The following GRIA4 variants were observed in gnomAD, a reference collection of about 807,000 sequenced individuals.
The protein encoded by GRIA4 is glutamate receptor 4.
A neutral mutation model predicts 104.0 loss-of-function variants in GRIA4; 34 were observed. The ratio of observed to expected loss-of-function variants is 0.33; its 90% CI spans 0.25 to 0.44. The LOEUF (loss-of-function observed/expected upper bound fraction) is 0.44. Ranked by LOEUF, GRIA4 falls within the 20% of genes least tolerant of loss-of-function variation. GRIA4 has a pLI of 1.00. For synonymous variants in GRIA4, 386 were observed against 381.9 expected (o/e 1.01, Z -0.13); for missense variants, 750 against 1,096.5 (o/e 0.68, Z 4.46).
At chr11:105,913,541 C>T (rs1004307735) in intron 10 of GRIA4, 3 of 820,350 alleles carry the variant, frequency 3.7e-6, no homozygotes, top group Non-Finnish European at 4.4e-6. Context: ...TAAAAGTAAT[C>T]ATTTCTGCAA....
At chr11:105,642,186 A>G (rs141174056) in intron 3 of GRIA4, among the ~76,000 whole-genome samples, 2 of 152,140 alleles carry the variant, frequency 1.3e-5, no homozygotes, top group Admixed American at 1.3e-4. Context: ...TGTAACTTCA[A>G]TGCAGAAGCT....
In GRIA4 at chr11:105,903,887, T is replaced by C. The variant is rs1005013166; in HGVS notation, c.959T>C (p.Ile320Thr). 5.6e-6 allele frequency: 9 copies of C among 1,612,582 alleles called. No individual in the cohort carries two copies. The highest frequency in any genetic ancestry group is 5.0e-5 in the Admixed American group (3 of 59,996). Residue 320 changes from isoleucine to threonine, a missense_variant, in exon 8 of 17, where the codon ATT becomes ACT. By Grantham distance (89) the Ile-to-Thr change is moderately conservative. Transcript: ENST00000282499. Reference sequence around the variant, plus strand: ...TTCCGAAGTCTTAGGAGGCAGAAAATTGATATCTCAAGGAGAGGAAATGCT... The same window carrying C: ...TTCCGAAGTCTTAGGAGGCAGAAAACTGATATCTCAAGGAGAGGAAATGCT... ...ETFRSLRRQK[I>T]DISRRGNAGD...
intron 14 of GRIA4, among the ~76,000 whole-genome samples, chr11:105,936,397 T>C (rs1948036388): frequency 6.6e-6 from 1 of 152,198 alleles, no homozygotes; most frequent in African/African-American, 2.4e-5. Context: ...TCCAAAACAA[T>C]CTATCTTTTT....
chr11:105,789,123 C>T (rs1197117517), intron 4 of GRIA4, among the ~76,000 whole-genome samples: 1 of 151,940 alleles, frequency 6.6e-6, no homozygotes, highest in Non-Finnish European at 1.5e-5. Flanking sequence ...AAAAAGCATG[C>T]TTTTTTGGAA....
chr11:105,882,759 C>G (rs1339961438), intron 5 of GRIA4, among the ~76,000 whole-genome samples: 2 of 152,072 alleles, frequency 1.3e-5, no homozygotes, highest in East Asian at 3.9e-4. Context: ...CTTTATAATC[C>G]TTAAATCTCT....
Position 105,705,029 on chromosome 11 carries a change from A to G in GRIA4, c.248-47952A>G, listed in dbSNP as rs118152558. Among the ~76,000 whole-genome samples the G allele has an allele frequency of 4.9e-3, 739 of 152,278 alleles. 9 individuals carry two copies. In the East Asian group the frequency reaches 0.049, roughly 10 times the overall value. ...TAAAAGTGCACTTCAAAGTTTCTAT[A>G]ATTAAAATAATGTGGTAACGGCACA... On this transcript the variant is annotated intron_variant, in intron 3 of 16. Transcript: ENST00000282499.
intron 4 of GRIA4, among the ~76,000 whole-genome samples, chr11:105,843,744 ATG>A (rs1401743616): frequency 6.6e-6 from 1 of 152,190 alleles, no homozygotes; most frequent in Non-Finnish European, 1.5e-5. Flanking sequence ...GGACGATCGT[ATG>A]TGACTCCTCA....
At chr11:105,929,941 G>T (rs1947825659) in intron 13 of GRIA4, among the ~76,000 whole-genome samples, 1 of 152,078 alleles carries the variant, frequency 6.6e-6, no homozygotes, top group Admixed American at 6.6e-5. Context: ...CAATAAAGAT[G>T]AAATAAATCG....
chr11:105,721,265 A>C (rs1372297535), intron 3 of GRIA4, among the ~76,000 whole-genome samples: 9 of 152,122 alleles, frequency 5.9e-5, no homozygotes, highest in Non-Finnish European at 1.0e-4. Context: ...ATAATATTTC[A>C]GTTTTTCTGT....
At chr11:105,616,407 T>C (rs1482228169) in intron 3 of GRIA4, among the ~76,000 whole-genome samples, 1 of 151,734 alleles carries the variant, frequency 6.6e-6, no homozygotes, top group Non-Finnish European at 1.5e-5. Flanking sequence ...TACAAAGTAC[T>C]TGTAAAAGTA....
At chr11:105,754,509 T>C (rs987725567) in intron 4 of GRIA4, among the ~76,000 whole-genome samples, 1 of 152,164 alleles carries the variant, frequency 6.6e-6, no homozygotes, top group Non-Finnish European at 1.5e-5. Flanking sequence ...TTACCAGTTT[T>C]GAAAGATTAA....
At chr11:105,856,327 T>C (rs773079625) in intron 4 of GRIA4, among the ~76,000 whole-genome samples, 1 of 152,172 alleles carries the variant, frequency 6.6e-6, no homozygotes, top group African/African-American at 2.4e-5. Context: ...TCTTGTAATA[T>C]ATCCCTTGCC....
At chr11:105,922,465 G>C (rs562061040) in intron 11 of GRIA4, among the ~76,000 whole-genome samples, 1 of 152,186 alleles carries the variant, frequency 6.6e-6, no homozygotes, top group African/African-American at 2.4e-5. Context: ...AATAATTAAA[G>C]CATGTGTTAG....
chr11:105,658,112 A>G (rs187013866), intron 3 of GRIA4, among the ~76,000 whole-genome samples: 1 of 151,840 alleles, frequency 6.6e-6, no homozygotes, highest in African/African-American at 2.4e-5. Context: ...AAATATTAAC[A>G]TTAGTGTCAT....
intron 3 of GRIA4, among the ~76,000 whole-genome samples, chr11:105,651,359 C>T (rs1951681768): frequency 8.4e-6 from 1 of 119,672 alleles, no homozygotes; most frequent in Admixed American, 7.8e-5. Flanking sequence ...ATTCCCAAAC[C>T]TGCATTAGCA....
intron 10 of GRIA4, among the ~76,000 whole-genome samples, chr11:105,911,701 C>G (rs1463454354): frequency 6.9e-6 from 1 of 145,330 alleles, no homozygotes; most frequent in Non-Finnish European, 1.5e-5. Flanking sequence ...TTTTAGAATG[C>G]AAACCAACCA....
intron 4 of GRIA4, among the ~76,000 whole-genome samples, chr11:105,805,603 G>A (rs1283531785): frequency 6.6e-6 from 1 of 151,320 alleles, no homozygotes; most frequent in Non-Finnish European, 1.5e-5. Flanking sequence ...GACTGAATTA[G>A]CATAAAAGCC....
intron 4 of GRIA4, among the ~76,000 whole-genome samples, chr11:105,794,592 T>G (rs1348599411): frequency 1.4e-5 from 2 of 141,262 alleles, no homozygotes; most frequent in Non-Finnish European, 1.5e-5. Flanking sequence ...ATCTCTCTCA[T>G]AAGATATATA....
intron 4 of GRIA4, among the ~76,000 whole-genome samples, chr11:105,761,908 G>T (rs189466874): frequency 6.6e-6 from 1 of 152,296 alleles, no homozygotes; most frequent in Admixed American, 6.5e-5. Flanking sequence ...GTTAACCTGT[G>T]TTAAATTGAA....
Sources: allele counts gnomAD v4.1 joint callset (sites outside exome capture counted in the v4.1 genomes callset), GRCh38; gene constraint gnomAD v4.1.1; transcripts MANE v1.5; gene names NCBI Gene and HGNC (gene_info 2026-07-23, HGNC 2026-07-21).